The following STXBP6 variants were observed in gnomAD, a reference collection of about 807,000 sequenced individuals.
The protein encoded by STXBP6 is syntaxin binding protein 6, also known as syntaxin-binding protein 6.
STXBP6 carries 21 observed loss-of-function variants against 26.9 expected under a neutral mutation model. The ratio of observed to expected loss-of-function variants is 0.78; its 90% CI spans 0.55 to 1.12. STXBP6 has a LOEUF of 1.12. Among genes scored for constraint, STXBP6 ranks in the 50% most tolerant of loss-of-function variants. The pLI, the probability that STXBP6 is intolerant of heterozygous loss-of-function variation, is 0.00. For missense variants in STXBP6, 232 were observed against 257.9 expected, an observed-to-expected ratio of 0.90 and a Z score of 0.69; for synonymous variants, 97 against 92.6, an observed-to-expected ratio of 1.05 and a Z score of -0.27.
intron 2 of STXBP6, among the ~76,000 whole-genome samples, chr14:24,889,547 CTAAACT>C (rs529452638): frequency 7.7e-4 from 110 of 142,104 alleles, no homozygotes; most frequent in Middle Eastern, 3.9e-3. Context: ...CACATGTACC[CTAAACT>C]TAAAGTATAA....
intron 2 of STXBP6, among the ~76,000 whole-genome samples, chr14:24,874,828 C>T (rs138630851): frequency 9.2e-5 from 14 of 152,162 alleles, no homozygotes; most frequent in South Asian, 2.1e-4. Context: ...ACACATCGAC[C>T]GGCTGTCTCC....
intron 1 of STXBP6, among the ~76,000 whole-genome samples, chr14:24,990,713 C>T (rs1441555658): frequency 1.7e-5 from 2 of 116,042 alleles, no homozygotes; most frequent in Admixed American, 8.2e-5. Context: ...TGAAAGAAAA[C>T]AGAGCAATTA....
chr14:24,849,498 T>C (rs778617776), intron 4 of STXBP6, among the ~76,000 whole-genome samples: 12 of 152,128 alleles, frequency 7.9e-5, no homozygotes, highest in Non-Finnish European at 1.8e-4. Flanking sequence ...ATTTAATAGA[T>C]GAGGACTAAG....
intron 2 of STXBP6, among the ~76,000 whole-genome samples, chr14:24,862,854 A>G (rs2069588711): frequency 6.6e-6 from 1 of 152,166 alleles, no homozygotes; most frequent in Non-Finnish European, 1.5e-5. Context: ...CAACTATGCA[A>G]ATAATAGAGC....
At chr14:24,976,287 A>C (rs912695883) in intron 1 of STXBP6, among the ~76,000 whole-genome samples, 3 of 152,228 alleles carry the variant, frequency 2.0e-5, no homozygotes, top group African/African-American at 7.2e-5. Flanking sequence ...ACCTGTTCAC[A>C]TCTATAACCT....
intron 2 of STXBP6, among the ~76,000 whole-genome samples, chr14:24,923,857 A>G (rs2072068836): frequency 6.6e-6 from 1 of 152,164 alleles, no homozygotes; most frequent in Admixed American, 6.6e-5. Context: ...TTCTCCTTGC[A>G]CATGGCAGTC....
At chr14:24,829,753 C>G (rs527658220) in intron 4 of STXBP6, among the ~76,000 whole-genome samples, 1 of 151,590 alleles carries the variant, frequency 6.6e-6, no homozygotes, top group Non-Finnish European at 1.5e-5. Context: ...CCGTTGTAGG[C>G]AAAATAGACA....
At chr14:25,005,651 G>C (rs2074874590) in intron 1 of STXBP6, among the ~76,000 whole-genome samples, 1 of 152,066 alleles carries the variant, frequency 6.6e-6, no homozygotes, top group Admixed American at 6.6e-5. Context: ...CTTTTGTGGA[G>C]TCAAATTTGC....
At chr14:25,028,260 G>A (rs186027276) in intron 1 of STXBP6, among the ~76,000 whole-genome samples, 1 of 152,332 alleles carries the variant, frequency 6.6e-6, no homozygotes, top group East Asian at 1.9e-4. Context: ...CAGAGGAGAA[G>A]TCAAGGCCTT....
At chr14:24,956,015 C>T (rs2073332257) in intron 2 of STXBP6, among the ~76,000 whole-genome samples, 1 of 152,096 alleles carries the variant, frequency 6.6e-6, no homozygotes, top group South Asian at 2.1e-4. Flanking sequence ...TTTTGAAACC[C>T]ACACCCTTTT....
At chr14:24,943,756 TTAGAA>T (rs1439424111) in intron 2 of STXBP6, among the ~76,000 whole-genome samples, 2 of 152,220 alleles carry the variant, frequency 1.3e-5, no homozygotes, top group Admixed American at 6.5e-5. Flanking sequence ...GTTTCAGTGG[TTAGAA>T]TAATGTCTAT....
At position 25,049,769 on chromosome 14, in the gene STXBP6, C is replaced by G; in HGVS notation, c.-33+109G>C. ...GCCTACTCCCCTGGCCTCACAGCCACCCGCCTCGGACGGAGCGCCAGGCGC... is the reference window on the plus strand; with the variant it reads ...GCCTACTCCCCTGGCCTCACAGCCAGCCGCCTCGGACGGAGCGCCAGGCGC... On this transcript the variant is annotated intron_variant, in intron 1 of 5. Coordinates refer to ENST00000323944, the MANE Select transcript of STXBP6 (RefSeq NM_001394410.1). The surrounding 1 kb of genome is among the most constrained non-coding windows in gnomAD (Gnocchi z 5.6). The G allele has an allele frequency of 1.0e-6, 1 of 985,556 alleles. No homozygotes were observed. The highest frequency in any genetic ancestry group is 5.2e-4 in the Middle Eastern group (1 of 1,918). The allele number at this position is 985,556 out of a possible 1,614,324, so 61.1% of individuals were successfully genotyped here. A position where few individuals can be genotyped will look rare whatever the true frequency, so the allele number is the denominator to read the frequency against.
At chr14:24,962,196 A>G (rs2073564208) in intron 2 of STXBP6, among the ~76,000 whole-genome samples, 2 of 152,230 alleles carry the variant, frequency 1.3e-5, no homozygotes, top group South Asian at 4.1e-4. Flanking sequence ...GCGAGCAGGC[A>G]TTATAAGCAT....
intron 2 of STXBP6, among the ~76,000 whole-genome samples, chr14:24,953,586 G>A (rs74037403): frequency 2.3e-4 from 35 of 152,194 alleles, no homozygotes; most frequent in African/African-American, 7.7e-4. Flanking sequence ...TTTGTCACTC[G>A]CTTTCTACTG....
intron 2 of STXBP6, among the ~76,000 whole-genome samples, chr14:24,915,024 CT>C (rs964860975): frequency 6.6e-6 from 1 of 152,052 alleles, no homozygotes; most frequent in African/African-American, 2.4e-5. Flanking sequence ...TCAACATTGT[CT>C]TTTTTTAAGG....
At chr14:24,969,076 C>T (rs1030983145) in intron 2 of STXBP6, among the ~76,000 whole-genome samples, 1 of 152,162 alleles carries the variant, frequency 6.6e-6, no homozygotes, top group African/African-American at 2.4e-5. Context: ...TTCTACGCTC[C>T]TAATACATGT....
intron 2 of STXBP6, among the ~76,000 whole-genome samples, chr14:24,909,400 G>A (rs1431132258): frequency 6.6e-6 from 1 of 152,208 alleles, no homozygotes; most frequent in African/African-American, 2.4e-5. Flanking sequence ...GGGAACTAAT[G>A]TCCAGGGATT....
intron 1 of STXBP6, among the ~76,000 whole-genome samples, chr14:25,040,652 T>TA (rs2075627988): frequency 6.6e-6 from 1 of 152,218 alleles, no homozygotes; most frequent in African/African-American, 2.4e-5. Context: ...CAAAAAATAA[T>TA]AGACTAGATA....
chr14:24,858,156 A>G (rs1487874464), intron 2 of STXBP6, among the ~76,000 whole-genome samples: 2 of 152,104 alleles, frequency 1.3e-5, no homozygotes, highest in Non-Finnish European at 1.5e-5. Context: ...CTTTCGAATA[A>G]CTATGTAGAT....
Sources: gnomAD v4.1 joint callset for allele counts (sites outside exome capture counted in the v4.1 genomes callset) on GRCh38, gnomAD v4.1.1 for gene constraint, Gnocchi (gnomAD v3.1) non-coding constraint, MANE v1.5 for transcripts, NCBI Gene and HGNC (gene_info 2026-07-23, HGNC 2026-07-21) for gene names.